Variants in ERC1 observed in about 807,000 individuals in gnomAD.
The protein encoded by ERC1 is RAB6 interacting protein 2.
In ERC1, 56 loss-of-function variants were observed where a neutral mutation model predicts 132.0. The ratio of observed to expected loss-of-function variants is 0.42; its 90% CI spans 0.34 to 0.53. The LOEUF (loss-of-function observed/expected upper bound fraction) is 0.53. Ranked by LOEUF, ERC1 falls within the 20% of genes least tolerant of loss-of-function variation. The pLI, the probability that ERC1 is intolerant of heterozygous loss-of-function variation, is 0.03. For missense variants in ERC1, 1,202 were observed against 1,349.9 expected, an observed-to-expected ratio of 0.89 and a Z score of 1.72; for synonymous variants, 478 against 476.1, an observed-to-expected ratio of 1.00 and a Z score of -0.05.
chr12:1,384,336 C>T (rs562335783), intron 16 of ERC1, among the ~76,000 whole-genome samples: 3 of 152,138 alleles, frequency 2.0e-5, no homozygotes, highest in Non-Finnish European at 2.9e-5. Context: ...AACAGCTGTA[C>T]AGCAGAGGAG....
At chr12:1,133,694 G>T (rs774539900) in intron 7 of ERC1, among the ~76,000 whole-genome samples, 1 of 152,066 alleles carries the variant, frequency 6.6e-6, no homozygotes, top group Admixed American at 6.6e-5. Context: ...CAAATTTCAG[G>T]TATATAATAC....
At chr12:1,204,194 T>C (rs542696398) in intron 12 of ERC1, 1 of 276,580 alleles carries the variant, frequency 3.6e-6, no homozygotes, top group African/African-American at 2.2e-5. Flanking sequence ...CTTCTCTATT[T>C]TTCTTAGTGT....
At chr12:1,060,526 A>G (rs939854574) in intron 2 of ERC1, among the ~76,000 whole-genome samples, 5 of 152,112 alleles carry the variant, frequency 3.3e-5, no homozygotes, top group Admixed American at 6.6e-5. Context: ...TTACGGCTGC[A>G]TAGTATTCCA....
intron 8 of ERC1, among the ~76,000 whole-genome samples, chr12:1,172,099 AAACAGAACTG>A (rs1177779127): frequency 6.6e-4 from 100 of 152,314 alleles, no homozygotes; most frequent in African/African-American, 2.3e-3. Context: ...CCACCCTAGT[AAACAGAACTG>A]TACCATGATT....
intron 18 of ERC1, among the ~76,000 whole-genome samples, chr12:1,458,032 A>C (rs1478353537): frequency 2.6e-5 from 4 of 152,240 alleles, no homozygotes; most frequent in Admixed American, 6.5e-5. Flanking sequence ...GGCAGGACAA[A>C]GGCACTGGGT....
chr12:1,041,467 A>C (rs527500164), intron 2 of ERC1, among the ~76,000 whole-genome samples: 1 of 152,232 alleles, frequency 6.6e-6, no homozygotes, highest in African/African-American at 2.4e-5. Flanking sequence ...TCAGCCTCCC[A>C]AAGTGCTGGG....
At chr12:1,037,994 G>C (rs1300495167) in intron 2 of ERC1, among the ~76,000 whole-genome samples, 1 of 151,294 alleles carries the variant, frequency 6.6e-6, no homozygotes, top group Non-Finnish European at 1.5e-5. Context: ...CAGTGAGCCC[G>C]AGATTGCGCC....
chr12:1,189,190 G>A (rs1260004736), intron 11 of ERC1, among the ~76,000 whole-genome samples: 1 of 152,202 alleles, frequency 6.6e-6, no homozygotes, highest in Non-Finnish European at 1.5e-5. Context: ...TGGGATTACA[G>A]GCTCAAGCCA....
At chr12:1,334,220 G>A (rs1050063779) in intron 15 of ERC1, among the ~76,000 whole-genome samples, 5 of 152,122 alleles carry the variant, frequency 3.3e-5, no homozygotes, top group African/African-American at 1.2e-4. Context: ...TTGCTGTACA[G>A]AAACTCTCTA....
chr12:1,360,387 T>G (rs929800728), intron 15 of ERC1, among the ~76,000 whole-genome samples: 1 of 152,162 alleles, frequency 6.6e-6, no homozygotes, highest in Non-Finnish European at 1.5e-5. Context: ...GTCATATAGG[T>G]GATTTTACAC....
At chr12:1,140,198 G>A (rs1182750764) in intron 7 of ERC1, among the ~76,000 whole-genome samples, 1 of 152,134 alleles carries the variant, frequency 6.6e-6, no homozygotes, top group Non-Finnish European at 1.5e-5. Flanking sequence ...AGTACTTACA[G>A]TAGTAGCAAG....
chr12:1,058,840 A>G (rs1054184944), intron 2 of ERC1, among the ~76,000 whole-genome samples: 7 of 140,538 alleles, frequency 5.0e-5, no homozygotes, highest in African/African-American at 1.9e-4. Context: ...CATCCCAGCT[A>G]CAGTGTAGTA....
At chr12:1,356,213 AGTGTGTGTGTGTGTGT>A (rs71055145) in intron 15 of ERC1, among the ~76,000 whole-genome samples, 4 of 130,012 alleles carry the variant, frequency 3.1e-5, no homozygotes, top group Non-Finnish European at 4.6e-5. Context: ...AAAAAAAAAA[AGTGTGTGTGTGTGTGT>A]GTGTGTGTGT....
chr12:1,099,994 C>T (rs1012902602), intron 3 of ERC1, among the ~76,000 whole-genome samples: 4 of 151,764 alleles, frequency 2.6e-5, no homozygotes, highest in East Asian at 1.9e-4. Context: ...ATTGCAGGTG[C>T]GCACCACCAG....
At chr12:1,197,697 C>T (rs1956467682) in intron 12 of ERC1, among the ~76,000 whole-genome samples, 1 of 152,178 alleles carries the variant, frequency 6.6e-6, no homozygotes, top group Non-Finnish European at 1.5e-5. Context: ...ATTGTCATTT[C>T]ATTTATAGAT....
intron 11 of ERC1, among the ~76,000 whole-genome samples, chr12:1,187,182 T>C (rs137934600): frequency 6.6e-6 from 1 of 152,294 alleles, no homozygotes; most frequent in Non-Finnish European, 1.5e-5. Context: ...TTGAAAAATA[T>C]GCCTTTTTTT....
At chr12:1,018,925 G>T (rs1965923158) in intron 1 of ERC1, among the ~76,000 whole-genome samples, 1 of 152,176 alleles carries the variant, frequency 6.6e-6, no homozygotes, top group South Asian at 2.1e-4. Flanking sequence ...AACTTAGTTT[G>T]GAAAAATGAG....
rs567179194 is a variant in ERC1, at chr12:1,049,939, T to C, written c.669+21367T>C. Among the ~76,000 whole-genome samples, 12 of 151,934 alleles carry C rather than the reference T, an allele frequency of 7.9e-5. No individual in the cohort carries two copies. The South Asian group carries it at 1.7e-3, about 21-fold the overall frequency. Reference sequence around the variant, plus strand: ...TGTATTTTTAGTAGAGACAGGGTTTTACCATGTTGGCCAGGCTGGTCTCAA... The same window carrying C: ...TGTATTTTTAGTAGAGACAGGGTTTCACCATGTTGGCCAGGCTGGTCTCAA... On this transcript the variant is annotated intron_variant, in intron 2 of 18. Transcript: ENST00000360905.
At chr12:1,413,498 G>A (rs1266076460) in intron 17 of ERC1, among the ~76,000 whole-genome samples, 2 of 152,052 alleles carry the variant, frequency 1.3e-5, no homozygotes, top group East Asian at 1.9e-4. Flanking sequence ...GGAGGCTGAG[G>A]CACAAGAATC....
Sources: allele counts gnomAD v4.1 joint callset (sites outside exome capture counted in the v4.1 genomes callset), GRCh38; gene constraint gnomAD v4.1.1; transcripts MANE v1.5; gene names NCBI Gene and HGNC (gene_info 2026-07-23, HGNC 2026-07-21).